Variants in DAB1 observed in about 807,000 individuals in gnomAD.
The protein encoded by DAB1 is disabled homolog 1.
DAB1 carries 15 observed loss-of-function variants against 64.6 expected under a neutral mutation model. The ratio of observed to expected loss-of-function variants is 0.23; its 90% CI spans 0.16 to 0.36. The LOEUF (loss-of-function observed/expected upper bound fraction) is 0.36, where lower values mean the gene tolerates loss of function less well. Among genes scored for constraint, DAB1 ranks in the 10% least tolerant of loss-of-function variants. DAB1 has a pLI of 1.00. For synonymous variants in DAB1, 235 were observed against 251.9 expected (o/e 0.93, Z 0.64); for missense variants, 596 against 706.7 (o/e 0.84, Z 1.78).
At chr1:57,972,494 C>G (rs1645821762) in intron 5 of DAB1, among the ~76,000 whole-genome samples, 1 of 152,224 alleles carries the variant, frequency 6.6e-6, no homozygotes, top group South Asian at 2.1e-4. Context: ...CCTCCCACCT[C>G]AGCCTCCCCA....
At chr1:58,521,495 A>G (rs1031490952) in intron 2 of DAB1, among the ~76,000 whole-genome samples, 3 of 152,108 alleles carry the variant, frequency 2.0e-5, no homozygotes, top group African/African-American at 7.2e-5. Context: ...AACCCAAAAG[A>G]TGGTTTTGAA....
intron 7 of DAB1, among the ~76,000 whole-genome samples, chr1:57,457,340 T>A (rs1248062771): frequency 1.3e-5 from 2 of 152,172 alleles, no homozygotes; most frequent in Non-Finnish European, 2.9e-5. Context: ...GAAATTGGGT[T>A]CAAGAGCCAT....
intron 7 of DAB1, among the ~76,000 whole-genome samples, chr1:57,554,699 C>A (rs548815276): frequency 2.0e-5 from 3 of 152,104 alleles, no homozygotes; most frequent in Non-Finnish European, 4.4e-5. Context: ...GAAGTATTTG[C>A]CTCCTATTTT....
In DAB1 at chr1:58,063,493, C is replaced by T. The variant is rs151137454; in HGVS notation, n.387+87018G>A. Reference sequence around the variant, plus strand: ...CGGGCCCCCACACTTGGCACAGACTCAGCCTATGGTAGACAGAATTAAGCT... The same window carrying T: ...CGGGCCCCCACACTTGGCACAGACTTAGCCTATGGTAGACAGAATTAAGCT... On this transcript the variant is annotated intron_variant and non_coding_transcript_variant, in intron 5 of 20. Transcript: ENST00000485760. 4.6e-5 allele frequency among the ~76,000 whole-genome samples: 7 copies of T among 152,288 alleles called. No homozygotes were observed. The South Asian group carries it at 1.0e-3, about 23-fold the overall frequency.
intron 4 of DAB1, among the ~76,000 whole-genome samples, chr1:58,341,204 T>A (rs983047922): frequency 1.3e-5 from 2 of 152,206 alleles, no homozygotes; most frequent in African/African-American, 4.8e-5. Flanking sequence ...ACAACTATTT[T>A]CTTATGATTT....
chr1:57,636,197 GA>G (rs973554342), intron 7 of DAB1, among the ~76,000 whole-genome samples: 1 of 151,920 alleles, frequency 6.6e-6, no homozygotes, highest in Non-Finnish European at 1.5e-5. Context: ...GTGCACAGAG[GA>G]AAGGCCACGT....
At chr1:57,158,977 A>C (rs1373653270) in intron 2 of DAB1, among the ~76,000 whole-genome samples, 1 of 152,206 alleles carries the variant, frequency 6.6e-6, no homozygotes, top group Non-Finnish European at 1.5e-5. Context: ...GGTACCAGGC[A>C]GAGATTCTCA....
intron 5 of DAB1, among the ~76,000 whole-genome samples, chr1:58,068,625 G>T (rs1649015521): frequency 6.6e-6 from 1 of 151,984 alleles, no homozygotes; most frequent in Admixed American, 6.5e-5. Context: ...AATTAGCTGG[G>T]TGTGGTGGTG....
At chr1:57,687,894 T>C (rs1035603444) in intron 6 of DAB1, among the ~76,000 whole-genome samples, 5 of 152,122 alleles carry the variant, frequency 3.3e-5, no homozygotes, top group African/African-American at 1.2e-4. Flanking sequence ...ACCCACTACT[T>C]TTCAGCATAT....
chr1:58,049,846 G>T (rs1647519590), intron 5 of DAB1, among the ~76,000 whole-genome samples: 1 of 151,992 alleles, frequency 6.6e-6, no homozygotes, highest in Non-Finnish European at 1.5e-5. Flanking sequence ...ACACAGCAGT[G>T]AACAAAATAG....
intron 7 of DAB1, among the ~76,000 whole-genome samples, chr1:57,541,547 G>T (rs1644804006): frequency 6.6e-6 from 1 of 152,178 alleles, no homozygotes; most frequent in Admixed American, 6.5e-5. Context: ...ATCTAGGTTT[G>T]TAGGGCCTGA....
At chr1:58,168,392 A>G (rs1442258408) in intron 4 of DAB1, among the ~76,000 whole-genome samples, 1 of 152,088 alleles carries the variant, frequency 6.6e-6, no homozygotes, top group African/African-American at 2.4e-5. Flanking sequence ...TTGCCCGTCT[A>G]TGCTATCTAT....
intron 8 of DAB1, among the ~76,000 whole-genome samples, chr1:57,064,506 T>C (rs1650713960): frequency 1.3e-5 from 2 of 152,206 alleles, no homozygotes; most frequent in African/African-American, 4.8e-5. Flanking sequence ...TGGCCCCATG[T>C]TGCAGAGGAG....
intron 7 of DAB1, among the ~76,000 whole-genome samples, chr1:57,588,858 A>C (rs1409126124): frequency 6.6e-6 from 1 of 152,250 alleles, no homozygotes; most frequent in African/African-American, 2.4e-5. Flanking sequence ...GTATTGGCAC[A>C]ACTGGTTCAT....
Position 57,039,695 on chromosome 1 carries a change from T to C in DAB1, c.724-13652A>G, listed in dbSNP as rs546618798. On this transcript the variant is annotated intron_variant, in intron 9 of 14. Transcript: ENST00000371236. ...TAGAACTCAGGTTGTAACTCCATGTTTTGATGCTCAGTTTTTCTAAAAGTC... is the reference window on the plus strand; with the variant it reads ...TAGAACTCAGGTTGTAACTCCATGTCTTGATGCTCAGTTTTTCTAAAAGTC... 1.3e-3 allele frequency among the ~76,000 whole-genome samples: 203 copies of C among 152,322 alleles called. 1 individual carries two copies. The highest frequency in any genetic ancestry group is 4.5e-3 in the African/African-American group (187 of 41,572).
At chr1:57,934,921 A>G (rs1360479449) in intron 5 of DAB1, among the ~76,000 whole-genome samples, 1 of 152,202 alleles carries the variant, frequency 6.6e-6, no homozygotes, top group Non-Finnish European at 1.5e-5. Flanking sequence ...ACGAAACAAA[A>G]TTGCTGTGAC....
intron 4 of DAB1, among the ~76,000 whole-genome samples, chr1:58,239,602 A>G (rs1053234908): frequency 1.3e-5 from 2 of 152,146 alleles, no homozygotes; most frequent in African/African-American, 4.8e-5. Flanking sequence ...CAGCTAGGAG[A>G]TGCAATCTGT....
chr1:57,278,149 G>A (rs942409495), intron 2 of DAB1, among the ~76,000 whole-genome samples: 1 of 152,196 alleles, frequency 6.6e-6, no homozygotes, highest in Non-Finnish European at 1.5e-5. Context: ...AGCGGAAAGA[G>A]CTTGTGCTTT....
intron 1 of DAB1, among the ~76,000 whole-genome samples, chr1:57,859,718 G>C (rs1381554601): frequency 2.6e-5 from 4 of 152,032 alleles, no homozygotes; most frequent in Non-Finnish European, 5.9e-5. Flanking sequence ...GGCTCTCTTG[G>C]TATCTGAGAT....
Sources: allele counts gnomAD v4.1 joint callset (sites outside exome capture counted in the v4.1 genomes callset), GRCh38; gene constraint gnomAD v4.1.1; transcripts MANE v1.5; gene names NCBI Gene and HGNC (gene_info 2026-07-23, HGNC 2026-07-21).